OPCML: variants seen among roughly 807,000 people sequenced by gnomAD.
OPCML encodes opioid binding protein/cell adhesion molecule like.
A neutral mutation model predicts 37.8 loss-of-function variants in OPCML; 13 were observed. The observed-to-expected ratio is 0.34, with a 90% CI of 0.22 to 0.55. The LOEUF (loss-of-function observed/expected upper bound fraction) is 0.55. OPCML is among the 20% of genes least tolerant of loss of function. The probability of loss-of-function intolerance (pLI) is 0.91; values close to 1 mark genes in which losing one functional copy is unlikely to be tolerated. For missense variants in OPCML, 341 were observed against 435.6 expected, an observed-to-expected ratio of 0.78 and a Z score of 1.93; for synonymous variants, 176 against 168.8, an observed-to-expected ratio of 1.04 and a Z score of -0.33.
At chr11:133,003,973 C>T (rs1947058660) in intron 1 of OPCML, 1 of 985,442 alleles carries the variant, frequency 1.0e-6, no homozygotes, top group Admixed American at 6.1e-5. Flanking sequence ...CAGCAGATCC[C>T]TCGAGAAGTC....
At chr11:133,520,018 GA>G (rs1267769715) in intron 1 of OPCML, among the ~76,000 whole-genome samples, 1 of 152,122 alleles carries the variant, frequency 6.6e-6, no homozygotes, top group Non-Finnish European at 1.5e-5. Context: ...AGACCTTTAT[GA>G]ATATTAAGAC....
chr11:133,042,514 C>A (rs2136948837), intron 1 of OPCML, among the ~76,000 whole-genome samples: 1 of 152,284 alleles, frequency 6.6e-6, no homozygotes, highest in Admixed American at 6.5e-5. Flanking sequence ...GGTGTTGTAT[C>A]CACAGAAATC....
intron 3 of OPCML, among the ~76,000 whole-genome samples, chr11:132,587,958 A>G (rs939874211): frequency 2.0e-5 from 3 of 152,162 alleles, no homozygotes; most frequent in Admixed American, 2.0e-4. Flanking sequence ...CAATTTCAGG[A>G]TATGAGGGTA....
At chr11:132,479,267 G>A (rs376244104) in intron 4 of OPCML, among the ~76,000 whole-genome samples, 32 of 151,602 alleles carry the variant, frequency 2.1e-4, no homozygotes, top group East Asian at 5.9e-4. Flanking sequence ...GGTGACAGAC[G>A]GCACCTGGAA....
chr11:132,994,002 G>T (rs1473737805), intron 1 of OPCML, among the ~76,000 whole-genome samples: 1 of 152,314 alleles, frequency 6.6e-6, no homozygotes, highest in Non-Finnish European at 1.5e-5. Context: ...CTCCACCTCC[G>T]CAGGGAGACG....
chr11:132,514,427 C>G (rs1394533514), intron 4 of OPCML, among the ~76,000 whole-genome samples: 3 of 152,078 alleles, frequency 2.0e-5, no homozygotes, highest in Non-Finnish European at 1.5e-5. Context: ...GAAGGAGTAT[C>G]AGGATGAGGT....
chr11:132,585,543 C>T (rs1483652004), intron 3 of OPCML, among the ~76,000 whole-genome samples: 5 of 152,118 alleles, frequency 3.3e-5, no homozygotes, highest in Non-Finnish European at 5.9e-5. Context: ...TCCAAAACAA[C>T]AGCCCCGATA....
chr11:132,784,965 A>G (rs529534366), intron 2 of OPCML, among the ~76,000 whole-genome samples: 103 of 152,306 alleles, frequency 6.8e-4, no homozygotes, highest in African/African-American at 2.0e-3. Flanking sequence ...TTTCTTCATA[A>G]CAATGAAGAA....
intron 1 of OPCML, among the ~76,000 whole-genome samples, chr11:133,503,188 A>C (rs4245117): frequency 0.13 from 19,512 of 152,240 alleles, 1,698 homozygotes; most frequent in Middle Eastern, 0.26. Flanking sequence ...GTCACCTTTA[A>C]GTAGCAGAGT....
intron 3 of OPCML, among the ~76,000 whole-genome samples, chr11:132,638,959 G>T (rs1420665016): frequency 2.6e-5 from 4 of 152,106 alleles, no homozygotes; most frequent in Admixed American, 2.6e-4. Context: ...TTTTTTCTGC[G>T]CAGCGGGTAG....
chr11:133,194,935 G>A (rs1938479504), intron 1 of OPCML, among the ~76,000 whole-genome samples: 1 of 152,336 alleles, frequency 6.6e-6, no homozygotes, highest in South Asian at 2.1e-4. Context: ...CAGCTCGGAT[G>A]TCAACTCCTT....
chr11:133,316,177 G>A (rs1943200432), intron 1 of OPCML, among the ~76,000 whole-genome samples: 1 of 152,178 alleles, frequency 6.6e-6, no homozygotes, highest in South Asian at 2.1e-4. Flanking sequence ...TGTAAGGCCA[G>A]GGCACATTCT....
intron 2 of OPCML, among the ~76,000 whole-genome samples, chr11:132,734,861 C>T (rs1436891826): frequency 6.6e-6 from 1 of 152,024 alleles, no homozygotes; most frequent in East Asian, 1.9e-4. Context: ...CCTAATGGTT[C>T]TTGAGAAGGT....
intron 2 of OPCML, among the ~76,000 whole-genome samples, chr11:132,735,544 T>C (rs1472182261): frequency 6.6e-6 from 1 of 152,146 alleles, no homozygotes; most frequent in East Asian, 1.9e-4. Context: ...TGGAGTGCAG[T>C]GGTGCAATCT....
At chr11:132,750,994 C>T (rs1591555192) in intron 2 of OPCML, among the ~76,000 whole-genome samples, 1 of 152,134 alleles carries the variant, frequency 6.6e-6, no homozygotes. Context: ...GCTGCAGCAA[C>T]TCACAAGTTG....
At chr11:132,985,460 T>C (rs1296338651) in intron 1 of OPCML, among the ~76,000 whole-genome samples, 2 of 152,204 alleles carry the variant, frequency 1.3e-5, no homozygotes, top group Non-Finnish European at 2.9e-5. Context: ...GAACCCTCCA[T>C]TGGCATATCA....
chr11:132,686,677 T>G (rs1202063908), intron 2 of OPCML, among the ~76,000 whole-genome samples: 1 of 152,218 alleles, frequency 6.6e-6, no homozygotes, highest in African/African-American at 2.4e-5. Flanking sequence ...TTCCCCAGTG[T>G]CCTGAGAAGG....
chr11:132,557,746 G>A (rs760891356), intron 3 of OPCML, among the ~76,000 whole-genome samples: 8 of 152,106 alleles, frequency 5.3e-5, no homozygotes, highest in East Asian at 1.9e-4. Context: ...GTTCAACACC[G>A]GCATTGAGTT....
rs143128032 is a variant in OPCML, at chr11:133,432,767, T to C, written c.61+99497A>G. Among the ~76,000 whole-genome samples, 180 of 152,294 alleles carry C rather than the reference T, an allele frequency of 1.2e-3. 1 individual carries two copies. Among genetic ancestry groups the C allele is most frequent in the African/African-American group, 4.0e-3 (168 of 41,564 alleles). On this transcript the variant is annotated intron_variant, in intron 1 of 7. Coordinates refer to ENST00000524381, the MANE Select transcript of OPCML (RefSeq NM_001012393.5). Reference sequence around the variant, plus strand: ...TCTCAAACTACAGGTGAAGGCATACTGGGAAACCAGAGTGAATTCACAGGA... The same window carrying C: ...TCTCAAACTACAGGTGAAGGCATACCGGGAAACCAGAGTGAATTCACAGGA...
Sources: gnomAD v4.1 joint callset for allele counts (sites outside exome capture counted in the v4.1 genomes callset) on GRCh38, gnomAD v4.1.1 for gene constraint, MANE v1.5 for transcripts, NCBI Gene and HGNC (gene_info 2026-07-23, HGNC 2026-07-21) for gene names.